MSR1: variants seen among roughly 807,000 people sequenced by gnomAD.
MSR1 encodes the protein macrophage scavenger receptor types I and II.
A neutral mutation model predicts 47.2 loss-of-function variants in MSR1; 53 were observed. The observed-to-expected ratio is 1.12, with a 90% CI of 0.90 to 1.41. The LOEUF (loss-of-function observed/expected upper bound fraction) is 1.41. Among genes scored for constraint, MSR1 ranks in the 40% most tolerant of loss-of-function variants. The probability of loss-of-function intolerance (pLI) is 0.00; values close to 1 mark genes in which losing one functional copy is unlikely to be tolerated. For synonymous variants in MSR1, 239 were observed against 185.6 expected, an observed-to-expected ratio of 1.29 and a Z score of -2.34; for missense variants, 786 against 546.9, an observed-to-expected ratio of 1.44 and a Z score of -4.36.
intron 7 of MSR1, among the ~76,000 whole-genome samples, chr8:16,143,876 G>C (rs1800627886): frequency 6.6e-6 from 1 of 152,074 alleles, no homozygotes; most frequent in Non-Finnish European, 1.5e-5. Context: ...AGAATAAGGA[G>C]TTTGTTTTGT....
intron 8 of MSR1, among the ~76,000 whole-genome samples, chr8:16,135,035 T>C (rs971356061): frequency 1.3e-5 from 2 of 152,122 alleles, no homozygotes; most frequent in Non-Finnish European, 2.9e-5. Context: ...GCCATCTCCA[T>C]AACATAAAAG....
At chr8:16,111,527 C>A (rs556261183) in intron 9 of MSR1, among the ~76,000 whole-genome samples, 1 of 152,228 alleles carries the variant, frequency 6.6e-6, no homozygotes, top group South Asian at 2.1e-4. Context: ...AGTGGGAATT[C>A]TCCCAATGTC....
intron 4 of MSR1, among the ~76,000 whole-genome samples, chr8:16,166,279 T>G (rs577981265): frequency 6.8e-6 from 1 of 146,142 alleles, no homozygotes; most frequent in African/African-American, 2.5e-5. Flanking sequence ...CAAGTGGTTC[T>G]CCCGAGTAGC....
intron 3 of MSR1, among the ~76,000 whole-genome samples, chr8:16,173,412 G>A (rs1801545883): frequency 6.6e-6 from 1 of 152,122 alleles, no homozygotes; most frequent in Non-Finnish European, 1.5e-5. Context: ...CAACAATGAA[G>A]CATCATTTAG....
chr8:16,110,030 T>A lies in MSR1; in HGVS notation c.*55A>T, dbSNP rs900281674. On this transcript the variant is annotated 3_prime_UTR_variant, in exon 10 of 10. Coordinates refer to ENST00000262101, the MANE Select transcript of MSR1 (RefSeq NM_138715.3). ...TTAAATGGATTTTACAGGAACAAGG[T>A]AATAAAATCATTTTTGAGCAGCGAT... 6.3e-7 allele frequency: 1 copy of A among 1,598,600 alleles called. No homozygotes were observed. Among genetic ancestry groups the A allele is most frequent in the East Asian group, 2.2e-5 (1 of 44,760 alleles).
At position 16,171,110 on chromosome 8, in the gene MSR1, G is replaced by T. The variant is rs374436690; in HGVS notation, c.218-2240C>A. On this transcript the variant is annotated intron_variant, in intron 3 of 9. Coordinates refer to ENST00000262101, the MANE Select transcript of MSR1 (RefSeq NM_138715.3). ...GTGGTGGTGGGTGCCTGCAGTCCCA[G>T]CTGCTCGGGAGGCTGAGGCAGGAGA... Among the ~76,000 whole-genome samples the T allele has an allele frequency of 2.0e-5, 3 of 151,962 alleles. No homozygotes were observed. The East Asian group carries it at 5.8e-4, about 30-fold the overall frequency.
intron 8 of MSR1, among the ~76,000 whole-genome samples, chr8:16,133,422 A>C (rs568906536): frequency 4.6e-5 from 7 of 152,302 alleles, no homozygotes; most frequent in Admixed American, 3.3e-4. Context: ...AAACTCTCCC[A>C]AAAATTGTCC....
In MSR1 at chr8:16,172,979, A is replaced by T. The variant is rs146175466; in HGVS notation, c.217+2208T>A. Among the ~76,000 whole-genome samples the T allele has an allele frequency of 1.5e-3, 222 of 152,252 alleles. 1 individual carries two copies. Among genetic ancestry groups the T allele is most frequent in the African/African-American group, 5.2e-3 (215 of 41,560 alleles). Reference sequence around the variant, plus strand: ...TTGCTTTTTAGTTTCTTTTTGAAAAATATACTGATCTACAACTTAATTAAA... The same window carrying T: ...TTGCTTTTTAGTTTCTTTTTGAAAATTATACTGATCTACAACTTAATTAAA... On this transcript the variant is annotated intron_variant, in intron 3 of 9. Transcript: ENST00000262101.
chr8:16,165,965 C>T (rs1380821225), intron 4 of MSR1, among the ~76,000 whole-genome samples: 1 of 152,010 alleles, frequency 6.6e-6, no homozygotes, highest in African/African-American at 2.4e-5. Flanking sequence ...AAATAGTGAG[C>T]ATGGATGTTT....
chr8:16,176,586 A>G (rs909672581), intron 2 of MSR1, among the ~76,000 whole-genome samples: 3 of 152,170 alleles, frequency 2.0e-5, no homozygotes, highest in Non-Finnish European at 2.9e-5. Context: ...AGAACCCATA[A>G]TAGAAGCAAG....
At chr8:16,125,367 A>G (rs919498694) in intron 8 of MSR1, among the ~76,000 whole-genome samples, 3 of 152,184 alleles carry the variant, frequency 2.0e-5, no homozygotes, top group Non-Finnish European at 2.9e-5. Context: ...AAAGAGACTT[A>G]GCAGTGAGAT....
At chr8:16,113,930 G>A (rs1288174978) in intron 9 of MSR1, among the ~76,000 whole-genome samples, 4 of 111,206 alleles carry the variant, frequency 3.6e-5, no homozygotes, top group Non-Finnish European at 6.6e-5. Context: ...TAATGACTAC[G>A]TAAATTTGTA....
intron 8 of MSR1, among the ~76,000 whole-genome samples, chr8:16,128,203 T>C (rs1800173676): frequency 6.6e-6 from 1 of 152,186 alleles, no homozygotes; most frequent in African/African-American, 2.4e-5. Flanking sequence ...GCAGAGATCC[T>C]GCCCACAGAC....
At chr8:16,135,873 T>C (rs1476471580) in intron 8 of MSR1, among the ~76,000 whole-genome samples, 1 of 152,060 alleles carries the variant, frequency 6.6e-6, no homozygotes, top group Non-Finnish European at 1.5e-5. Flanking sequence ...ACTACAGATG[T>C]GGTATAAATA....
At chr8:16,153,346 G>T (rs1800912649) in intron 6 of MSR1, among the ~76,000 whole-genome samples, 1 of 152,030 alleles carries the variant, frequency 6.6e-6, no homozygotes, top group African/African-American at 2.4e-5. Context: ...CATTAGGAAA[G>T]ATGCCTGGTA....
chr8:16,148,752 G>T (rs1416031818), intron 7 of MSR1, among the ~76,000 whole-genome samples: 1 of 152,060 alleles, frequency 6.6e-6, no homozygotes, highest in Non-Finnish European at 1.5e-5. Flanking sequence ...GAGCCACCAC[G>T]CCCAGCCTAA....
chr8:16,112,184 T>C (rs1168431372), intron 9 of MSR1, among the ~76,000 whole-genome samples: 1 of 152,208 alleles, frequency 6.6e-6, no homozygotes, highest in Non-Finnish European at 1.5e-5. Context: ...GGTATCTCTG[T>C]CTTTTGCTAT....
chr8:16,162,794 T>C (rs1414432540), intron 5 of MSR1, among the ~76,000 whole-genome samples: 1 of 152,024 alleles, frequency 6.6e-6, no homozygotes, highest in Non-Finnish European at 1.5e-5. Flanking sequence ...GACCTACATG[T>C]TCTGGACCAA....
intron 8 of MSR1, among the ~76,000 whole-genome samples, chr8:16,123,918 TC>T (rs1321754858): frequency 6.6e-6 from 1 of 152,166 alleles, no homozygotes; most frequent in East Asian, 1.9e-4. Flanking sequence ...GCTTTATTAT[TC>T]TTTTTTTGTT....
Sources: gnomAD v4.1 joint callset for allele counts (sites outside exome capture counted in the v4.1 genomes callset) on GRCh38, gnomAD v4.1.1 for gene constraint, MANE v1.5 for transcripts, NCBI Gene and HGNC (gene_info 2026-07-23, HGNC 2026-07-21) for gene names.